CAPZB: variants seen among roughly 807,000 people sequenced by gnomAD.
CAPZB encodes F-actin-capping protein subunit beta.
CAPZB carries 2 observed loss-of-function variants against 38.1 expected under a neutral mutation model. That is an observed-to-expected ratio of 0.05 (90% confidence interval 0.02 to 0.17). CAPZB has a LOEUF of 0.17. CAPZB is among the 10% of genes least tolerant of loss of function. The pLI is 1.00. For missense variants in CAPZB, 161 were observed against 334.2 expected (o/e 0.48, Z 4.04); for synonymous variants, 107 against 127.4 (o/e 0.84, Z 1.08).
intron 4 of CAPZB, among the ~76,000 whole-genome samples, chr1:19,369,875 G>T (rs533546313): frequency 5.9e-5 from 9 of 152,188 alleles, no homozygotes; most frequent in Non-Finnish European, 1.3e-4. Context: ...AGGCCTGGCC[G>T]TTTCCAGCGG....
Position 19,455,009 on chromosome 1 carries a change from G to A in CAPZB, c.3+30427C>T, listed in dbSNP as rs142978665. Among the ~76,000 whole-genome samples the A allele has an allele frequency of 1.5e-4, 23 of 152,344 alleles. No individual in the cohort carries two copies. In the East Asian group the frequency reaches 3.7e-3, roughly 24 times the overall value. On this transcript the variant is annotated intron_variant, in intron 1 of 8. Coordinates refer to ENST00000264202, the MANE Select transcript of CAPZB (RefSeq NM_004930.5). Reference sequence around the variant, plus strand: ...GCTGAATTCACAGGACACCGGTCCCGCAAAGAGGAAGCCAAATTGCAGTCC... The same window carrying A: ...GCTGAATTCACAGGACACCGGTCCCACAAAGAGGAAGCCAAATTGCAGTCC...
chr1:19,410,559 A>C (rs2094353131), intron 2 of CAPZB, among the ~76,000 whole-genome samples: 1 of 152,156 alleles, frequency 6.6e-6, no homozygotes, highest in Non-Finnish European at 1.5e-5. Flanking sequence ...CGGGTTCCCC[A>C]CAGCCCAGCC....
chr1:19,443,822 G>A lies in CAPZB; in HGVS notation c.4-24072C>T, dbSNP rs939903169. ...CCAGACTCAGCCTTCCTCACCAAGA[G>A]GGACTCAAAGCCTTCTGGGGCACTC... On this transcript the variant is annotated intron_variant, in intron 1 of 8. Coordinates refer to ENST00000264202, the MANE Select transcript of CAPZB (RefSeq NM_004930.5). Among the ~76,000 whole-genome samples the A allele has an allele frequency of 5.1e-4, 78 of 152,170 alleles. 1 individual carries two copies. The highest frequency in any genetic ancestry group is 1.8e-3 in the African/African-American group (73 of 41,414).
chr1:19,369,750 A>T (rs1377783604), intron 4 of CAPZB, among the ~76,000 whole-genome samples: 2 of 152,242 alleles, frequency 1.3e-5, no homozygotes, highest in Admixed American at 6.5e-5. Flanking sequence ...CTGAAGGGAC[A>T]GGGAGTGAAG....
At position 19,485,497 on chromosome 1, in the gene CAPZB, G is replaced by A. The variant is rs1258982772; in HGVS notation, c.-59C>T. 1 of 1,224,064 alleles carries A rather than the reference G, an allele frequency of 8.2e-7. No homozygotes were observed. The highest frequency in any genetic ancestry group is 1.0e-6 in the Non-Finnish European group (1 of 982,102). 75.8% of individuals were successfully genotyped at this position (1,224,064 alleles called of 1,614,324 possible). ...GTCAGTGGCTCTCCCCCCCGCAGCAGGGCCCGGCGCTTCCACTTCCCCGGG... is the reference window on the plus strand; with the variant it reads ...GTCAGTGGCTCTCCCCCCCGCAGCAAGGCCCGGCGCTTCCACTTCCCCGGG... On this transcript the variant is annotated 5_prime_UTR_variant, in exon 1 of 9. Coordinates refer to ENST00000264202, the MANE Select transcript of CAPZB (RefSeq NM_004930.5).
At chr1:19,361,591 C>A (rs763545663) in intron 4 of CAPZB, among the ~76,000 whole-genome samples, 1 of 152,208 alleles carries the variant, frequency 6.6e-6, no homozygotes, top group Non-Finnish European at 1.5e-5. Flanking sequence ...TTGCTCTGCG[C>A]GTGAAGCATT....
intron 2 of CAPZB, among the ~76,000 whole-genome samples, chr1:19,389,238 C>G (rs920378923): frequency 1.3e-5 from 2 of 152,074 alleles, no homozygotes; most frequent in South Asian, 2.1e-4. Flanking sequence ...CACCTCTGCC[C>G]GAAACTCCTC....
At chr1:19,476,875 T>G (rs556913151) in intron 1 of CAPZB, among the ~76,000 whole-genome samples, 8 of 152,330 alleles carry the variant, frequency 5.3e-5, no homozygotes, top group African/African-American at 1.9e-4. Flanking sequence ...TTTCCTCATC[T>G]ATAAAATAAA....
In CAPZB at chr1:19,339,512, T is replaced by C. The variant is rs771328049; in HGVS notation, c.*18A>G. 6.3e-7 allele frequency: 1 copy of C among 1,586,002 alleles called. No homozygotes were observed. Among genetic ancestry groups the C allele is most frequent in the Non-Finnish European group, 8.7e-7 (1 of 1,154,314 alleles). On this transcript the variant is annotated 3_prime_UTR_variant, in exon 9 of 9. Transcript: ENST00000264202. ...TCTAACGAGTGCACGGCGTGTCTGGTTAGCATGAAACAGAGGTTTAGCATT... is the reference window on the plus strand; with the variant it reads ...TCTAACGAGTGCACGGCGTGTCTGGCTAGCATGAAACAGAGGTTTAGCATT...
At position 19,339,484 on chromosome 1, in the gene CAPZB, G is replaced by C. The variant is rs185897855; in HGVS notation, c.*46C>G. 100 of 1,402,024 alleles carry C rather than the reference G, an allele frequency of 7.1e-5. No individual in the cohort carries two copies. In the Admixed American group the frequency reaches 1.6e-3, roughly 23 times the overall value. The allele number at this position is 1,402,024 out of a possible 1,614,324, so 86.8% of individuals were successfully genotyped here. ...GCAGAAAACGAGTTTTCTAAGAAAG[G>C]AATCTAACGAGTGCACGGCGTGTCT... On this transcript the variant is annotated 3_prime_UTR_variant, in exon 9 of 9. Transcript: ENST00000264202.
chr1:19,345,083 G>T, intron 7 of CAPZB, 104 bp downstream of exon 7: 1 of 878,168 alleles, frequency 1.1e-6, no homozygotes, highest in Non-Finnish European at 1.9e-6. Flanking sequence ...CTGCGGTGGA[G>T]CTGAGAGAAA....
intron 2 of CAPZB, among the ~76,000 whole-genome samples, chr1:19,404,449 C>T (rs1289034414): frequency 6.7e-6 from 1 of 149,570 alleles, no homozygotes; most frequent in Non-Finnish European, 1.5e-5. Context: ...GACGCTGAGG[C>T]TGGAGAATCA....
intron 2 of CAPZB, among the ~76,000 whole-genome samples, chr1:19,396,185 C>T (rs925502333): frequency 6.6e-6 from 1 of 152,198 alleles, no homozygotes; most frequent in Non-Finnish European, 1.5e-5. Flanking sequence ...CTCCCCAGGG[C>T]AGTGATGAGC....
chr1:19,405,959 A>T (rs991468560), intron 2 of CAPZB, among the ~76,000 whole-genome samples: 2 of 152,204 alleles, frequency 1.3e-5, no homozygotes, highest in Non-Finnish European at 2.9e-5. Flanking sequence ...TTTGGTTGGC[A>T]GTCATTTGCA....
intron 1 of CAPZB, among the ~76,000 whole-genome samples, chr1:19,478,099 C>G (rs142875087): frequency 6.6e-6 from 1 of 152,228 alleles, no homozygotes; most frequent in African/African-American, 2.4e-5. Flanking sequence ...GTGGTAACAA[C>G]TGCTTCCAAG....
rs535302661 is a variant in CAPZB at position 19,343,734 on chromosome 1, A to C, written c.731+624T>G. On this transcript the variant is annotated intron_variant, in intron 8 of 8. Coordinates refer to ENST00000264202, the MANE Select transcript of CAPZB (RefSeq NM_004930.5). ...CGCCGTGGACCTGGAGGGTCCAGAG[A>C]GCGCCCGGCTTTTGTTTGGGCTGAC... 1.1e-4 allele frequency among the ~76,000 whole-genome samples: 17 copies of C among 152,308 alleles called. No homozygotes were observed. The South Asian group carries it at 2.7e-3, about 24-fold the overall frequency.
At chr1:19,368,662 C>CTTT (rs55649494) in intron 4 of CAPZB, among the ~76,000 whole-genome samples, 9 of 132,390 alleles carry the variant, frequency 6.8e-5, no homozygotes, top group Admixed American at 3.1e-4. Flanking sequence ...GCAAGAATGC[C>CTTT]TTTTTTTTTT....
At chr1:19,422,563 C>T (rs902693415) in intron 1 of CAPZB, among the ~76,000 whole-genome samples, 41 of 152,056 alleles carry the variant, frequency 2.7e-4, no homozygotes, top group African/African-American at 9.4e-4. Context: ...GGTGAATCCC[C>T]GTCTCTACTA....
chr1:19,465,295 A>T (rs1342649914), intron 1 of CAPZB, among the ~76,000 whole-genome samples: 2 of 152,146 alleles, frequency 1.3e-5, no homozygotes, highest in Admixed American at 6.5e-5. Context: ...CCCCTATAAG[A>T]GGCCCAGGGG....
Sources: allele counts gnomAD v4.1 joint callset (sites outside exome capture counted in the v4.1 genomes callset), GRCh38; gene constraint gnomAD v4.1.1; transcripts MANE v1.5; gene names NCBI Gene and HGNC (gene_info 2026-07-23, HGNC 2026-07-21).